Variants in EXT1 observed in about 807,000 individuals in gnomAD.
EXT1 encodes exostosin-1.
Under a neutral mutation model 82.5 loss-of-function variants are expected in EXT1, and 20 were observed. The observed-to-expected ratio is 0.24, with a 90% confidence interval of 0.17 to 0.35. The LOEUF (loss-of-function observed/expected upper bound fraction) is 0.35. Among genes scored for constraint, EXT1 ranks in the 10% least tolerant of loss-of-function variants. The probability of loss-of-function intolerance (pLI) is 1.00; values close to 1 mark genes in which losing one functional copy is unlikely to be tolerated. For synonymous variants in EXT1, 348 were observed against 350.8 expected (o/e 0.99, Z 0.09); for missense variants, 757 against 936.5 (o/e 0.81, Z 2.50).
At chr8:118,047,709 T>A (rs1228967749) in intron 1 of EXT1, among the ~76,000 whole-genome samples, 1 of 152,196 alleles carries the variant, frequency 6.6e-6, no homozygotes, top group Non-Finnish European at 1.5e-5. Context: ...CAGAGCATAC[T>A]TAATACGAAA....
intron 1 of EXT1, among the ~76,000 whole-genome samples, chr8:118,088,963 T>G (rs1214973519): frequency 6.6e-6 from 1 of 152,226 alleles, no homozygotes; most frequent in Non-Finnish European, 1.5e-5. Context: ...CTTCCGCTAC[T>G]GGCATTTCTG....
chr8:118,006,226 C>T (rs1191127819), intron 1 of EXT1, among the ~76,000 whole-genome samples: 3 of 152,260 alleles, frequency 2.0e-5, no homozygotes, highest in East Asian at 1.9e-4. Context: ...TCTGACTGAC[C>T]GCAGGAACTT....
At chr8:117,950,769 A>T (rs2062864660) in intron 1 of EXT1, among the ~76,000 whole-genome samples, 1 of 152,176 alleles carries the variant, frequency 6.6e-6, no homozygotes, top group Non-Finnish European at 1.5e-5. Context: ...GTACACAAAG[A>T]TGTTATTCAA....
At chr8:118,064,216 C>T (rs1178189295) in intron 1 of EXT1, among the ~76,000 whole-genome samples, 1 of 151,942 alleles carries the variant, frequency 6.6e-6, no homozygotes, top group East Asian at 1.9e-4. Flanking sequence ...TTCTAGGATA[C>T]ATGTGCAGAA....
intron 1 of EXT1, among the ~76,000 whole-genome samples, chr8:118,095,466 G>C (rs1395145318): frequency 2.0e-5 from 3 of 152,130 alleles, no homozygotes; most frequent in Admixed American, 6.5e-5. Context: ...TTGCAACATT[G>C]CACTTGCATA....
intron 4 of EXT1, among the ~76,000 whole-genome samples, chr8:117,826,713 T>C (rs4326407): frequency 0.23 from 34,703 of 152,022 alleles, 4,615 homozygotes; most frequent in Middle Eastern, 0.38. Context: ...TACAATCCAA[T>C]CTTGGAACTA....
At chr8:117,812,705 AG>A (rs1823346702) in intron 8 of EXT1, among the ~76,000 whole-genome samples, 166 bp downstream of exon 8, 1 of 152,234 alleles carries the variant, frequency 6.6e-6, no homozygotes, top group South Asian at 2.1e-4. Flanking sequence ...GCCAGGTGGC[AG>A]CAAGGTGCTA....
intron 1 of EXT1, among the ~76,000 whole-genome samples, chr8:118,041,863 G>A (rs761721911): frequency 4.0e-5 from 6 of 151,512 alleles, no homozygotes; most frequent in South Asian, 4.2e-4. Context: ...CTGGGGAATC[G>A]CTTGAACCCA....
At chr8:117,959,319 G>T (rs903770262) in intron 1 of EXT1, among the ~76,000 whole-genome samples, 2 of 152,204 alleles carry the variant, frequency 1.3e-5, no homozygotes, top group African/African-American at 2.4e-5. Flanking sequence ...TCAAGCTCTA[G>T]CCTGTTCCCC....
chr8:118,051,926 G>T, intron 1 of EXT1, among the ~76,000 whole-genome samples: 1 of 152,218 alleles, frequency 6.6e-6, no homozygotes, highest in South Asian at 2.1e-4. Flanking sequence ...ATTGGCCTTT[G>T]AAAGGGGGTT....
intron 1 of EXT1, among the ~76,000 whole-genome samples, chr8:117,995,957 T>C (rs901738316): frequency 6.6e-6 from 1 of 152,238 alleles, no homozygotes; most frequent in Admixed American, 6.5e-5. Context: ...CTGGAACAAC[T>C]GTGGCAGATT....
At chr8:117,911,909 A>C (rs1206399648) in intron 1 of EXT1, among the ~76,000 whole-genome samples, 1 of 152,218 alleles carries the variant, frequency 6.6e-6, no homozygotes, top group Non-Finnish European at 1.5e-5. Context: ...ACACTGACAC[A>C]ATCTGCAATA....
Position 118,098,696 on chromosome 8 carries a change from G to A in EXT1, c.962+11389C>T, listed in dbSNP as rs374224347. Reference sequence around the variant, plus strand: ...ATGGCATGAACCCGGGAGGCGGAGCGTGCAGTGAGCCGAGTTCGCACCACT... The same window carrying A: ...ATGGCATGAACCCGGGAGGCGGAGCATGCAGTGAGCCGAGTTCGCACCACT... On this transcript the variant is annotated intron_variant, in intron 1 of 10. Coordinates refer to ENST00000378204, the MANE Select transcript of EXT1 (RefSeq NM_000127.3). Among the ~76,000 whole-genome samples the A allele has an allele frequency of 1.4e-4, 21 of 150,870 alleles. No individual in the cohort carries two copies. The East Asian group carries it at 1.8e-3, about 13-fold the overall frequency.
chr8:118,110,039 A>G (rs2130040731), intron 1 of EXT1, 46 bp downstream of exon 1: 1 of 1,612,502 alleles, frequency 6.2e-7, no homozygotes, highest in East Asian at 2.2e-5. Context: ...CAAGGCCGGC[A>G]GAGCCCAAGG....
intron 3 of EXT1, among the ~76,000 whole-genome samples, chr8:117,835,180 G>A (rs1177012791): frequency 6.6e-6 from 1 of 152,176 alleles, no homozygotes. Context: ...TGAAAGGGGT[G>A]GAGATCCACT....
intron 1 of EXT1, among the ~76,000 whole-genome samples, chr8:117,931,257 A>G (rs535766984): frequency 6.6e-6 from 1 of 152,330 alleles, no homozygotes; most frequent in Non-Finnish European, 1.5e-5. Context: ...CACAAGATCC[A>G]AGAACTCTCA....
At chr8:118,007,815 T>C (rs1309027085) in intron 1 of EXT1, among the ~76,000 whole-genome samples, 2 of 152,062 alleles carry the variant, frequency 1.3e-5, no homozygotes, top group Non-Finnish European at 2.9e-5. Flanking sequence ...TAAAGTGTAA[T>C]ATGCTTCAGT....
intron 1 of EXT1, among the ~76,000 whole-genome samples, chr8:118,044,044 C>A (rs1816579960): frequency 6.6e-6 from 1 of 152,200 alleles, no homozygotes; most frequent in Non-Finnish European, 1.5e-5. Context: ...TTCAAAAATT[C>A]TGCTTTGCCA....
chr8:117,978,904 T>C (rs181373877), intron 1 of EXT1, among the ~76,000 whole-genome samples: 1 of 152,316 alleles, frequency 6.6e-6, no homozygotes, highest in African/African-American at 2.4e-5. Context: ...AGGATGGGTA[T>C]TGTTATTATG....
Sources: allele counts gnomAD v4.1 joint callset (sites outside exome capture counted in the v4.1 genomes callset), GRCh38; gene constraint gnomAD v4.1.1; transcripts MANE v1.5; gene names NCBI Gene and HGNC (gene_info 2026-07-23, HGNC 2026-07-21).